The following NFATC1 variants were observed in gnomAD, a reference collection of about 807,000 sequenced individuals.
NFATC1 encodes the protein nuclear factor of activated T-cells, cytoplasmic 1.
NFATC1 carries 22 observed loss-of-function variants against 76.0 expected under a neutral mutation model. That is an observed-to-expected ratio of 0.29 (90% confidence interval 0.21 to 0.41). The LOEUF is 0.41. NFATC1 is among the 10% of genes least tolerant of loss of function. The pLI is 1.00. For missense variants in NFATC1, 1,357 were observed against 1,337.7 expected (o/e 1.01, Z -0.23); for synonymous variants, 704 against 613.1 (o/e 1.15, Z -2.19).
In NFATC1 at chr18:79,413,656, A is replaced by T. The variant is rs956264139; in HGVS notation, c.1226+2155A>T. Among the ~76,000 whole-genome samples, 83 of 152,242 alleles carry T rather than the reference A, an allele frequency of 5.5e-4. 1 individual carries two copies. Among genetic ancestry groups the T allele is most frequent in the Non-Finnish European group, 1.3e-4 (9 of 68,048 alleles). On this transcript the variant is annotated intron_variant, in intron 2 of 9. Transcript: ENST00000427363. ...GCGGGGAGCACCGTTCGGCTGCCTC[A>T]GCCCCGGTCTTACTGTCGCAGTAAA... is the stretch of plus-strand genomic sequence containing the variant.
chr18:79,524,726 C>T lies in NFATC1; in HGVS notation c.2783-2802C>T, dbSNP rs530715708. ...CAAAGGAGGCTGTGGTGGCCCCCGA[C>T]GGGAACCTGGGTGGCCGGGGGACAC... On this transcript the variant is annotated intron_variant, in intron 9 of 9. Coordinates refer to ENST00000427363, the MANE Select transcript of NFATC1 (RefSeq NM_001278669.2). This position sits in a 1 kb window ranked among gnomAD's most constrained non-coding sequence, Gnocchi z 7.2. Among the ~76,000 whole-genome samples, 7 of 152,198 alleles carry T rather than the reference C, an allele frequency of 4.6e-5. No homozygotes were observed. In the East Asian group the frequency reaches 1.2e-3, roughly 25 times the overall value.
intron 9 of NFATC1, among the ~76,000 whole-genome samples, chr18:79,511,428 G>A (rs907574815): frequency 2.6e-5 from 4 of 152,160 alleles, no homozygotes; most frequent in Non-Finnish European, 4.4e-5. Flanking sequence ...AGGTTCTGCC[G>A]GGGGTCAGTG....
chr18:79,415,088 C>G (rs1036247555), intron 2 of NFATC1, among the ~76,000 whole-genome samples: 6 of 152,216 alleles, frequency 3.9e-5, no homozygotes, highest in African/African-American at 1.4e-4. Context: ...GTGCCGACAT[C>G]TGCTCTTTGG....
At chr18:79,492,003 G>A (rs540257399) in intron 9 of NFATC1, among the ~76,000 whole-genome samples, 2 of 152,248 alleles carry the variant, frequency 1.3e-5, no homozygotes, top group East Asian at 1.9e-4. Flanking sequence ...TGATGCTGAC[G>A]ACGGCCTGCC....
intron 1 of NFATC1, among the ~76,000 whole-genome samples, chr18:79,405,941 C>A (rs1033622903): frequency 6.6e-6 from 1 of 152,188 alleles, no homozygotes; most frequent in African/African-American, 2.4e-5. Flanking sequence ...CGCCTGGGCC[C>A]CCGTCACAGA....
chr18:79,517,364 G>T (rs995119291), intron 9 of NFATC1, among the ~76,000 whole-genome samples: 4 of 152,206 alleles, frequency 2.6e-5, no homozygotes, highest in African/African-American at 9.7e-5. Flanking sequence ...TATTTTTGAT[G>T]ACTTGTCCTC....
chr18:79,487,095 C>T (rs1001895439), intron 9 of NFATC1, among the ~76,000 whole-genome samples, 158 bp downstream of exon 9: 4 of 152,226 alleles, frequency 2.6e-5, no homozygotes, highest in South Asian at 2.1e-4. Context: ...AGTGCCCGTG[C>T]GGTGCCACGG....
At chr18:79,397,967 G>C (rs1355398776) in intron 1 of NFATC1, among the ~76,000 whole-genome samples, 1 of 152,190 alleles carries the variant, frequency 6.6e-6, no homozygotes. Flanking sequence ...GTGTGATCTA[G>C]TCCTTGATAC....
intron 7 of NFATC1, 121 bp downstream of exon 7, chr18:79,461,487 GA>G (rs1328801572): frequency 1.2e-6 from 1 of 857,620 alleles, no homozygotes; most frequent in African/African-American, 1.8e-5. Flanking sequence ...TTCTTAGAAT[GA>G]AACAAATAAA....
At chr18:79,521,215 C>T (rs1236724460) in intron 9 of NFATC1, among the ~76,000 whole-genome samples, 1 of 48,670 alleles carries the variant, frequency 2.1e-5, no homozygotes, top group Non-Finnish European at 4.0e-5. Context: ...ATATGTGTGT[C>T]TGTGTGTGGG....
intron 2 of NFATC1, among the ~76,000 whole-genome samples, chr18:79,415,714 T>G (rs935454739): frequency 6.6e-6 from 1 of 152,094 alleles, no homozygotes; most frequent in Non-Finnish European, 1.5e-5. Flanking sequence ...TTACTTAGAG[T>G]CCGCTTGGTT....
intron 2 of NFATC1, chr18:79,421,599 G>A (rs1223804518): frequency 2.0e-5 from 3 of 152,388 alleles, no homozygotes; most frequent in Non-Finnish European, 4.4e-5. Flanking sequence ...CAAGCCTCCA[G>A]GTTTCGGTTC....
At chr18:79,432,982 A>G (rs939030630) in intron 2 of NFATC1, among the ~76,000 whole-genome samples, 7 of 152,112 alleles carry the variant, frequency 4.6e-5, no homozygotes, top group Middle Eastern at 3.2e-3. Context: ...ACAGCCTCCC[A>G]CAGCCCTCAC....
At chr18:79,411,917 A>G (rs1178945336) in intron 2 of NFATC1, among the ~76,000 whole-genome samples, 1 of 152,030 alleles carries the variant, frequency 6.6e-6, no homozygotes, top group Non-Finnish European at 1.5e-5. Context: ...TCCTCGGGGA[A>G]TTGCACGTGC....
intron 9 of NFATC1, among the ~76,000 whole-genome samples, chr18:79,509,668 G>A (rs1196855099): frequency 1.3e-5 from 2 of 152,260 alleles, no homozygotes; most frequent in Admixed American, 1.3e-4. Flanking sequence ...ACCTGCTAAA[G>A]TTACAGAAGG....
chr18:79,411,116 C>G lies in NFATC1; in HGVS notation c.841C>G (p.His281Asp). ...CCGGCAGCCGCCCTACTCACCCCAC[C>G]ACTCGCCCACGCCGTCCCCGCACGG... The part of the protein sequence containing the change: ...NGRQPPYSPH[H>D]SPTPSPHGSP... Residue 281 changes from histidine to aspartate, a missense_variant, in exon 2 of 10, where the codon CAC (histidine) becomes GAC (aspartate). Coordinates refer to ENST00000427363, the MANE Select transcript of NFATC1 (RefSeq NM_001278669.2). 1 of 1,612,358 alleles carries G rather than the reference C, an allele frequency of 6.2e-7. No individual in the cohort carries two copies. Among genetic ancestry groups the G allele is most frequent in the Non-Finnish European group, 8.5e-7 (1 of 1,179,744 alleles).
chr18:79,396,748 C>A (rs976979411), intron 1 of NFATC1, among the ~76,000 whole-genome samples: 1 of 151,986 alleles, frequency 6.6e-6, no homozygotes. Flanking sequence ...TCTTCCTGAG[C>A]GAGGCAGAGC....
chr18:79,396,432 C>T, intron 1 of NFATC1, 81 bp downstream of exon 1: 1 of 970,302 alleles, frequency 1.0e-6, no homozygotes, highest in Non-Finnish European at 1.3e-6. Context: ...GCCCCCGTCG[C>T]CCGCACGGAG....
intron 8 of NFATC1, among the ~76,000 whole-genome samples, chr18:79,476,182 G>A (rs573891675): frequency 7.2e-5 from 11 of 152,348 alleles, no homozygotes; most frequent in South Asian, 4.1e-4. Context: ...CAAGAGGGGC[G>A]CCCTGAGCTT....
Sources: gnomAD v4.1 joint callset for allele counts (sites outside exome capture counted in the v4.1 genomes callset) on GRCh38, gnomAD v4.1.1 for gene constraint, Gnocchi (gnomAD v3.1) non-coding constraint, MANE v1.5 for transcripts, NCBI Gene and HGNC (gene_info 2026-07-23, HGNC 2026-07-21) for gene names.